APP: variants seen among roughly 807,000 people sequenced by gnomAD.
APP encodes amyloid-beta precursor protein.
In APP, 31 loss-of-function variants were observed where a neutral mutation model predicts 101.4. That is an observed-to-expected ratio of 0.31 (90% CI 0.23 to 0.41). The LOEUF (loss-of-function observed/expected upper bound fraction) is 0.41, where lower values mean the gene tolerates loss of function less well. Ranked by LOEUF, APP falls within the 10% of genes least tolerant of loss-of-function variation. The pLI is 1.00. For synonymous variants in APP, 366 were observed against 364.4 expected, an observed-to-expected ratio of 1.00 and a Z score of -0.05; for missense variants, 839 against 1,003.7, an observed-to-expected ratio of 0.84 and a Z score of 2.22.
In APP at chr21:26,021,719, T is replaced by C. The variant is rs577160505; in HGVS notation, c.865+121A>G. The C allele has an allele frequency of 4.1e-5, 57 of 1,405,450 alleles. No individual in the cohort carries two copies. In the East Asian group the frequency reaches 5.1e-4, roughly 12 times the overall value. The allele number at this position is 1,405,450 out of a possible 1,614,324, so 87.1% of individuals were successfully genotyped here. A position where few individuals can be genotyped will look rare whatever the true frequency, so the allele number is the denominator to read the frequency against. On this transcript the variant is annotated intron_variant, in intron 6 of 17. Transcript: ENST00000346798. ...AATTTCACAAGCATAAGAAGCCTTT[T>C]GGAAAAAAAAACATGTTTTTGATTG...
chr21:26,134,868 T>C (rs541408139), intron 1 of APP, among the ~76,000 whole-genome samples: 13 of 152,292 alleles, frequency 8.5e-5, no homozygotes, highest in African/African-American at 3.1e-4. Flanking sequence ...GAAGACCAAA[T>C]AGATGCCACA....
chr21:25,982,333 G>A lies in APP; in HGVS notation c.1224+11C>T. On this transcript the variant is annotated intron_variant, in intron 9 of 17. Transcript: ENST00000346798. ...TATCGTAGGGCTGAATGATGGAAGA[G>A]CCAGACTTACCTGGGACATTCTCTC... 1.2e-6 allele frequency: 2 copies of A among 1,613,608 alleles called. No homozygotes were observed. Among genetic ancestry groups the A allele is most frequent in the Non-Finnish European group, 1.7e-6 (2 of 1,179,678 alleles).
chr21:25,993,801 AT>A (rs1342575570), intron 8 of APP, among the ~76,000 whole-genome samples: 20 of 152,232 alleles, frequency 1.3e-4, no homozygotes, highest in Non-Finnish European at 1.3e-4. Context: ...GTCTAGAGAC[AT>A]TTTTAGTTAT....
At chr21:25,924,429 G>GAAAAAAAA (rs1338097815) in intron 13 of APP, among the ~76,000 whole-genome samples, 20 of 53,684 alleles carry the variant, frequency 3.7e-4, no homozygotes, top group East Asian at 5.6e-4. Context: ...AAAAAAAAAG[G>GAAAAAAAA]AAAAAAAAAA....
At chr21:26,121,655 T>C (rs1367741076) in intron 1 of APP, among the ~76,000 whole-genome samples, 1 of 152,182 alleles carries the variant, frequency 6.6e-6, no homozygotes, top group Non-Finnish European at 1.5e-5. Context: ...CAGATCCTCA[T>C]CTTTTATGCA....
intron 11 of APP, among the ~76,000 whole-genome samples, chr21:25,971,507 T>C (rs759312182): frequency 1.3e-5 from 2 of 151,858 alleles, no homozygotes; most frequent in African/African-American, 2.4e-5. Context: ...ACTCGTGGAG[T>C]GGAGGACATG....
chr21:26,049,413 T>A (rs762529656), intron 5 of APP, among the ~76,000 whole-genome samples: 1 of 152,110 alleles, frequency 6.6e-6, no homozygotes, highest in East Asian at 1.9e-4. Flanking sequence ...GGAGGGGTCA[T>A]CTGTAGAGCA....
At chr21:25,904,440 T>G (rs975539149) in intron 15 of APP, among the ~76,000 whole-genome samples, 1 of 152,276 alleles carries the variant, frequency 6.6e-6, no homozygotes, top group Non-Finnish European at 1.5e-5. Context: ...CATCCACATC[T>G]GTTGTGTTAC....
At chr21:26,008,422 C>A (rs150198481) in intron 6 of APP, among the ~76,000 whole-genome samples, 2 of 152,216 alleles carry the variant, frequency 1.3e-5, no homozygotes, top group East Asian at 3.9e-4. Context: ...GCTCAAAACT[C>A]GGGATATCAT....
intron 13 of APP, among the ~76,000 whole-genome samples, chr21:25,935,428 C>A (rs1317048127): frequency 6.6e-6 from 1 of 152,124 alleles, no homozygotes; most frequent in African/African-American, 2.4e-5. Flanking sequence ...GACCTTTTGG[C>A]TCAAGACATG....
rs376646201 is a variant in APP at position 25,988,610 on chromosome 21, G to C, written c.1091-6133C>G. 2.7e-5 allele frequency among the ~76,000 whole-genome samples: 4 copies of C among 150,130 alleles called. No individual in the cohort carries two copies. In the East Asian group the frequency reaches 5.9e-4, roughly 22 times the overall value. Reference sequence around the variant, plus strand: ...CCAGCTACTCGGGAGGCTGAGGCAGGAGAATTGCTTGAACCCGGGAGGCGG... The same window carrying C: ...CCAGCTACTCGGGAGGCTGAGGCAGCAGAATTGCTTGAACCCGGGAGGCGG... On this transcript the variant is annotated intron_variant, in intron 8 of 17. Coordinates refer to ENST00000346798, the MANE Select transcript of APP (RefSeq NM_000484.4).
At chr21:26,047,642 A>G (rs1169089180) in intron 5 of APP, among the ~76,000 whole-genome samples, 1 of 152,266 alleles carries the variant, frequency 6.6e-6, no homozygotes, top group Admixed American at 6.5e-5. Context: ...AGAATAGTTA[A>G]AAACAATAAT....
At chr21:25,900,676 A>C (rs772225138) in intron 15 of APP, among the ~76,000 whole-genome samples, 6 of 152,064 alleles carry the variant, frequency 3.9e-5, no homozygotes, top group South Asian at 2.1e-4. Flanking sequence ...TAGATTTTGG[A>C]GCCAAATATT....
At chr21:25,959,402 C>T (rs1255505851) in intron 11 of APP, among the ~76,000 whole-genome samples, 1 of 152,250 alleles carries the variant, frequency 6.6e-6, no homozygotes, top group Non-Finnish European at 1.5e-5. Flanking sequence ...CACTGCACTA[C>T]AGCCTGGGCG....
At chr21:25,891,520 T>C (rs1030599448) in intron 17 of APP, among the ~76,000 whole-genome samples, 2 of 152,216 alleles carry the variant, frequency 1.3e-5, no homozygotes, top group Admixed American at 6.5e-5. Context: ...ACACACACTC[T>C]CAATACCTTG....
At chr21:25,992,521 TC>T in intron 8 of APP, among the ~76,000 whole-genome samples, 1 of 152,304 alleles carries the variant, frequency 6.6e-6, no homozygotes, top group South Asian at 2.1e-4. Flanking sequence ...GCACTTCTGG[TC>T]CCATTTTAGA....
intron 1 of APP, among the ~76,000 whole-genome samples, chr21:26,157,795 C>G (rs1474509946): frequency 2.0e-5 from 3 of 152,146 alleles, no homozygotes; most frequent in Non-Finnish European, 4.4e-5. Context: ...TAGATCTTCC[C>G]ATTCTGTTTC....
chr21:25,946,196 C>T (rs2146453062), intron 13 of APP, among the ~76,000 whole-genome samples: 1 of 152,252 alleles, frequency 6.6e-6, no homozygotes, highest in East Asian at 1.9e-4. Context: ...ACCATAGTAA[C>T]TGCCACAAAA....
At chr21:25,915,558 A>G (rs2039311769) in intron 13 of APP, among the ~76,000 whole-genome samples, 2 of 152,254 alleles carry the variant, frequency 1.3e-5, no homozygotes, top group Admixed American at 6.5e-5. Context: ...GTCTGTTCCA[A>G]TATCTTTAGC....
Sources: gnomAD v4.1 joint callset for allele counts (sites outside exome capture counted in the v4.1 genomes callset) on GRCh38, gnomAD v4.1.1 for gene constraint, MANE v1.5 for transcripts, NCBI Gene and HGNC (gene_info 2026-07-23, HGNC 2026-07-21) for gene names.